SI: variants seen among roughly 807,000 people sequenced by gnomAD.
SI encodes the protein sucrase-isomaltase, also known as sucrase-isomaltase, intestinal.
Under a neutral mutation model 253.3 loss-of-function variants are expected in SI, and 235 were observed. That is an observed-to-expected ratio of 0.93 (90% confidence interval 0.83 to 1.03). SI has a LOEUF of 1.03. Among genes scored for constraint, SI ranks in the 50% least tolerant of loss-of-function variants. The pLI, the probability that SI is intolerant of heterozygous loss-of-function variation, is 0.00. For missense variants in SI, 2,442 were observed against 2,211.1 expected (o/e 1.10, Z -2.09); for synonymous variants, 819 against 712.0 (o/e 1.15, Z -2.39).
intron 37 of SI, among the ~76,000 whole-genome samples, chr3:164,999,234 G>C (rs917127593): frequency 8.6e-5 from 13 of 151,614 alleles, no homozygotes; most frequent in Non-Finnish European, 1.3e-4. Context: ...TCAACAGAAT[G>C]GGTTGTGTAA....
chr3:165,007,379 G>A (rs1016952856), intron 36 of SI, among the ~76,000 whole-genome samples: 5 of 151,848 alleles, frequency 3.3e-5, no homozygotes, highest in South Asian at 2.1e-4. Flanking sequence ...AGTTTGTGAC[G>A]TTTTCTGCCT....
At position 165,068,649 on chromosome 3, in the gene SI, A is replaced by C. The variant is rs538117232; in HGVS notation, c.483+73T>G. On this transcript the variant is annotated intron_variant, in intron 5 of 47. Transcript: ENST00000264382. ...CAGCTTCCCAAAGTGCTGGTATTAC[A>C]GGCGTGAGCCACCGCGCCCAGCCCA... The C allele has an allele frequency of 1.4e-5, 15 of 1,041,668 alleles. No individual in the cohort carries two copies. In the East Asian group the frequency reaches 3.3e-4, roughly 23 times the overall value. The allele number at this position is 1,041,668 out of a possible 1,614,324, so 64.5% of individuals were successfully genotyped here. A position where few individuals can be genotyped will look rare whatever the true frequency, so the allele number is the denominator to read the frequency against.
intron 41 of SI, among the ~76,000 whole-genome samples, chr3:164,993,009 A>G (rs912551735): frequency 6.6e-6 from 1 of 151,802 alleles, no homozygotes; most frequent in Non-Finnish European, 1.5e-5. Flanking sequence ...ATTGAAATGA[A>G]AAAGAAAAGC....
At chr3:165,072,226 G>A (rs1291981639) in intron 3 of SI, among the ~76,000 whole-genome samples, 2 of 151,554 alleles carry the variant, frequency 1.3e-5, no homozygotes, top group East Asian at 3.9e-4. Context: ...CACTGCATTT[G>A]GAACAAATAA....
At chr3:165,064,460 C>T (rs1417464150) in intron 7 of SI, among the ~76,000 whole-genome samples, 3 of 151,792 alleles carry the variant, frequency 2.0e-5, no homozygotes, top group African/African-American at 7.3e-5. Context: ...AAAACAACTA[C>T]TCACTGGTTT....
chr3:164,983,390 C>T (rs1717289517), intron 45 of SI, among the ~76,000 whole-genome samples: 1 of 152,028 alleles, frequency 6.6e-6, no homozygotes, highest in Admixed American at 6.6e-5. Context: ...AAACAGAATT[C>T]AGTGATGATA....
chr3:165,057,704 A>C lies in SI; in HGVS notation c.1398+1259T>G, dbSNP rs1198340387. On this transcript the variant is annotated intron_variant, in intron 12 of 47. Coordinates refer to ENST00000264382, the MANE Select transcript of SI (RefSeq NM_001041.4). ...GACATATTTAAAATGCTGTAGAGAA[A>C]AAAAAAAAAAAAACTTTTATCTTAG... is the stretch of plus-strand genomic sequence containing the variant. 2.4e-3 allele frequency among the ~76,000 whole-genome samples: 355 copies of C among 150,158 alleles called. 2 individuals carry two copies. Among genetic ancestry groups the C allele is most frequent in the Middle Eastern group, 3.5e-3 (1 of 284 alleles).
intron 18 of SI, among the ~76,000 whole-genome samples, chr3:165,040,667 C>T (rs577331175): frequency 6.6e-6 from 1 of 151,938 alleles, no homozygotes; most frequent in East Asian, 1.9e-4. Context: ...TTTAAAAATT[C>T]TATGCTTAAT....
At position 165,059,067 on chromosome 3, in the gene SI, T is replaced by C. The variant is rs112053533; in HGVS notation, c.1294A>G (p.Ile432Val). 2.7e-5 allele frequency: 43 copies of C among 1,612,576 alleles called. 1 individual carries two copies. Among genetic ancestry groups the C allele is most frequent in the African/African-American group, 2.0e-4 (15 of 74,960 alleles). ...GTTGTTCCATTGGCACGTCGACCTATGGAAATTGCAGGGTCCTAATAATAG... is the reference window on the plus strand; with the variant it reads ...GTTGTTCCATTGGCACGTCGACCTACGGAAATTGCAGGGTCCTAATAATAG... ...YVIILDPAIS[I>V]GRRANGTTYA... Residue 432 changes from isoleucine to valine, a missense_variant, in exon 12 of 48, where the codon ATA becomes GTA. Coordinates refer to ENST00000264382, the MANE Select transcript of SI (RefSeq NM_001041.4).
At chr3:165,022,093 T>A (rs889653894) in intron 26 of SI, among the ~76,000 whole-genome samples, 2 of 151,572 alleles carry the variant, frequency 1.3e-5, no homozygotes. Flanking sequence ...ATGTTGATAT[T>A]TTAGTTTCTT....
chr3:165,022,674 G>A (rs1334107978), intron 26 of SI, among the ~76,000 whole-genome samples: 1 of 150,948 alleles, frequency 6.6e-6, no homozygotes, highest in Non-Finnish European at 1.5e-5. Flanking sequence ...ACCAGGCAAT[G>A]CTATCTCCAG....
In SI at chr3:165,065,293, G is replaced by T. The variant is rs1471704915; in HGVS notation, c.775C>A (p.Pro259Thr). 1 of 1,607,286 alleles carries T rather than the reference G, an allele frequency of 6.2e-7. No homozygotes were observed. Among genetic ancestry groups the T allele is most frequent in the East Asian group, 2.2e-5 (1 of 44,452 alleles). ...FRHDLSWKTW[P>T]IFTRDQLPGD... ...GGAAGTTGGTCTCGAGTAAAAATTGGCCATGTTTTCCAGGATAAATCATGA... is the reference window on the plus strand; with the variant it reads ...GGAAGTTGGTCTCGAGTAAAAATTGTCCATGTTTTCCAGGATAAATCATGA... Residue 259 changes from proline to threonine, a missense_variant, in exon 7 of 48, where the codon CCA (proline) becomes ACA (threonine). By Grantham distance (38) the Pro-to-Thr change is conservative. Coordinates refer to ENST00000264382, the MANE Select transcript of SI (RefSeq NM_001041.4).
intron 37 of SI, among the ~76,000 whole-genome samples, chr3:165,006,108 T>C (rs553909678): frequency 2.4e-4 from 37 of 152,214 alleles, no homozygotes; most frequent in Non-Finnish European, 3.4e-4. Context: ...ATTTATTTTA[T>C]GTTTTTATTT....
At position 164,979,283 on chromosome 3, in the gene SI, G is replaced by A. The variant is rs1195941820; in HGVS notation, c.*79C>T. ...ATTTTGTAGAGTACAAGAACCAAGT[G>A]AAGAGGGAAAATTGTAAGTGCTGTG... On this transcript the variant is annotated 3_prime_UTR_variant, in exon 48 of 48. Transcript: ENST00000264382. 1 of 857,572 alleles carries A rather than the reference G, an allele frequency of 1.2e-6. No individual in the cohort carries two copies. The highest frequency in any genetic ancestry group is 2.0e-6 in the Non-Finnish European group (1 of 498,062). The allele number at this position is 857,572 out of a possible 1,614,324, so 53.1% of individuals were successfully genotyped here.
intron 41 of SI, among the ~76,000 whole-genome samples, chr3:164,993,029 A>G (rs760324135): frequency 6.6e-6 from 1 of 151,822 alleles, no homozygotes; most frequent in Non-Finnish European, 1.5e-5. Flanking sequence ...CTGTTTCTTA[A>G]AATTTGTTTG....
chr3:165,027,545 G>C (rs1576894579), intron 25 of SI, among the ~76,000 whole-genome samples: 1 of 151,180 alleles, frequency 6.6e-6, no homozygotes, highest in East Asian at 1.9e-4. Context: ...ATAGATGCAA[G>C]AATCCTTAAC....
rs185230643 is a variant in SI, at chr3:165,044,518, G to T, written c.1888-1343C>A. ...GCATTTCTCTGATTACAGGGAAATT[G>T]AGAAGTTTTTCATATTTTTATTGGG... On this transcript the variant is annotated intron_variant, in intron 16 of 47. Coordinates refer to ENST00000264382, the MANE Select transcript of SI (RefSeq NM_001041.4). 3.3e-5 allele frequency among the ~76,000 whole-genome samples: 5 copies of T among 151,984 alleles called. No individual in the cohort carries two copies. The South Asian group carries it at 6.2e-4, about 19-fold the overall frequency.
chr3:165,033,378 A>G lies in SI; in HGVS notation c.2565+17T>C, dbSNP rs1216250416. 6.4e-7 allele frequency: 1 copy of G among 1,556,342 alleles called. No homozygotes were observed. The highest frequency in any genetic ancestry group is 8.7e-7 in the Non-Finnish European group (1 of 1,147,906). On this transcript the variant is annotated intron_variant, in intron 23 of 47. Coordinates refer to ENST00000264382, the MANE Select transcript of SI (RefSeq NM_001041.4). ...ACAAATTATGCATTTAAGTATATGT[A>G]CAAAGAGAGTGCTTACATTAGAAAC... is the stretch of plus-strand genomic sequence containing the variant.
chr3:165,076,060 T>A (rs747435951), intron 1 of SI, 48 bp from the exon 2 acceptor site: 1 of 1,254,326 alleles, frequency 8.0e-7, no homozygotes, highest in Non-Finnish European at 1.1e-6. Context: ...TATATAACTA[T>A]AATAAACCAC....
Sources: gnomAD v4.1 joint callset for allele counts (sites outside exome capture counted in the v4.1 genomes callset) on GRCh38, gnomAD v4.1.1 for gene constraint, MANE v1.5 for transcripts, NCBI Gene and HGNC (gene_info 2026-07-23, HGNC 2026-07-21) for gene names.